TSPAN15: variants seen among roughly 807,000 people sequenced by gnomAD.
The protein encoded by TSPAN15 is tetraspanin-15.
A neutral mutation model predicts 34.5 loss-of-function variants in TSPAN15; 20 were observed. That is an observed-to-expected ratio of 0.58 (90% CI 0.41 to 0.84). The LOEUF (loss-of-function observed/expected upper bound fraction) is 0.84. Ranked by LOEUF, TSPAN15 falls within the 40% of genes least tolerant of loss-of-function variation. TSPAN15 has a pLI of 0.00. For missense variants in TSPAN15, 313 were observed against 386.1 expected, an observed-to-expected ratio of 0.81 and a Z score of 1.59; for synonymous variants, 155 against 153.9, an observed-to-expected ratio of 1.01 and a Z score of -0.05.
the TSPAN15 span, among the ~76,000 whole-genome samples, chr10:69,542,129 TTC>T: frequency 6.6e-6 from 1 of 152,092 alleles, no homozygotes; most frequent in Admixed American, 6.5e-5. Flanking sequence ...ATACCCTAAA[TTC>T]TCTCTCTCAT....
At chr10:69,507,796 A>C (rs1442406856), downstream of TSPAN15, 2 of 553,444 alleles carry the variant, frequency 3.6e-6, no homozygotes, top group African/African-American at 2.1e-5. Flanking sequence ...ATAGCTTGGG[A>C]TACAGGTGGG....
chr10:69,493,660 G>A (rs1038409284), intron 3 of TSPAN15, among the ~76,000 whole-genome samples: 1 of 152,164 alleles, frequency 6.6e-6, no homozygotes, highest in African/African-American at 2.4e-5. Flanking sequence ...TTTTAGTAGA[G>A]ACGGGGTTTC....
Position 69,451,472 on chromosome 10 carries a change from C to T in TSPAN15, c.-123C>T, listed in dbSNP as rs1003469293. ...TGATTGCCGCGCTCCAGTGTCAGTC[C>T]CGGAGAGAACGCCGGTGGCGGGGCT... On this transcript the variant is annotated 5_prime_UTR_variant, in exon 1 of 8. Transcript: ENST00000373290. 1 of 1,301,058 alleles carries T rather than the reference C, an allele frequency of 7.7e-7. No homozygotes were observed. Among genetic ancestry groups the T allele is most frequent in the Non-Finnish European group, 9.8e-7 (1 of 1,025,148 alleles). 80.6% of individuals were successfully genotyped at this position (1,301,058 alleles called of 1,614,324 possible). A position where few individuals can be genotyped will look rare whatever the true frequency, so the allele number is the denominator to read the frequency against.
rs1350353483 is a variant in TSPAN15, at chr10:69,500,309, G to T, written c.570+1913G>T. Among the ~76,000 whole-genome samples, 3 of 152,274 alleles carry T rather than the reference G, an allele frequency of 2.0e-5. No individual in the cohort carries two copies. In the East Asian group the frequency reaches 5.8e-4, roughly 29 times the overall value. On this transcript the variant is annotated intron_variant, in intron 5 of 7. Transcript: ENST00000373290. ...TCCCCTACTGGGGTGAGGGGGCCAG[G>T]CCTTCACACTCCCACCCACATTGAC... is the stretch of plus-strand genomic sequence containing the variant.
the TSPAN15 span, among the ~76,000 whole-genome samples, chr10:69,521,377 G>A: frequency 2.7e-5 from 4 of 147,064 alleles, 1 homozygote; most frequent in African/African-American, 9.9e-5. Context: ...AGGTGTGGTG[G>A]TGCACACCTG....
the TSPAN15 span, among the ~76,000 whole-genome samples, chr10:69,540,872 C>T: frequency 6.6e-6 from 1 of 152,002 alleles, no homozygotes; most frequent in Non-Finnish European, 1.5e-5. Context: ...GGGGATGTGT[C>T]CTGCGTTCAG....
the TSPAN15 span, among the ~76,000 whole-genome samples, chr10:69,532,847 A>G: frequency 4.3e-4 from 65 of 152,282 alleles, 1 homozygote; most frequent in East Asian, 0.012. Context: ...AAAGCAAACA[A>G]TCCCATCAAA....
intron 3 of TSPAN15, chr10:69,494,867 G>C (rs1176138262): frequency 1.0e-6 from 1 of 985,428 alleles, no homozygotes; most frequent in Admixed American, 6.1e-5. Context: ...TTCCCACTGT[G>C]GGGCCCTTTG....
At chr10:69,495,512 C>T in intron 3 of TSPAN15, 82 bp from the exon 4 acceptor site, 1 of 1,014,106 alleles carries the variant, frequency 9.9e-7, no homozygotes. Flanking sequence ...GCATTCTCTA[C>T]CCATCCAGGC....
rs1554830582 is a variant in TSPAN15 at position 69,455,628 on chromosome 10, C to CCT, written c.96+3939_96+3940insTC. Among the ~76,000 whole-genome samples, 2 of 114,500 alleles carry CCT rather than the reference C, an allele frequency of 1.7e-5. 1 individual carries two copies. The allele number at this position is 114,500 out of a possible 152,430, so 75.1% of individuals were successfully genotyped here. On this transcript the variant is annotated intron_variant, in intron 1 of 7. Coordinates refer to ENST00000373290, the MANE Select transcript of TSPAN15 (RefSeq NM_012339.5). ...TCTTTCTCTCTCTCTCTCTCTCTCC[C>CCT]CCCCCCGTCTCTTTCTTTCTTCCTT...
intron 1 of TSPAN15, among the ~76,000 whole-genome samples, chr10:69,469,016 G>T (rs1366873325): frequency 3.3e-5 from 3 of 91,772 alleles, no homozygotes; most frequent in Non-Finnish European, 7.2e-5. Flanking sequence ...TTAGGATGGG[G>T]CGAATCACCA....
chr10:69,545,449 A>G, the TSPAN15 span, among the ~76,000 whole-genome samples: 1 of 152,196 alleles, frequency 6.6e-6, no homozygotes, highest in Non-Finnish European at 1.5e-5. Context: ...CTCACCGGTC[A>G]AGTCAGATGC....
chr10:69,498,916 A>G (rs1342555775), intron 5 of TSPAN15, among the ~76,000 whole-genome samples: 1 of 152,150 alleles, frequency 6.6e-6, no homozygotes, highest in Non-Finnish European at 1.5e-5. Context: ...GCTCTGCAGC[A>G]TTAGTGGAGG....
chr10:69,464,545 G>A (rs1216967476), intron 1 of TSPAN15, among the ~76,000 whole-genome samples: 1 of 152,234 alleles, frequency 6.6e-6, no homozygotes, highest in Non-Finnish European at 1.5e-5. Flanking sequence ...GTGGATGCGA[G>A]CTAGCTCTCA....
chr10:69,462,436 G>C (rs1369574076), intron 1 of TSPAN15, among the ~76,000 whole-genome samples: 2 of 152,074 alleles, frequency 1.3e-5, no homozygotes, highest in Admixed American at 1.3e-4. Flanking sequence ...CCAGGTTTAT[G>C]CCATTCTCCT....
At chr10:69,502,913 G>GT (rs1842240338) in intron 5 of TSPAN15, among the ~76,000 whole-genome samples, 1 of 152,230 alleles carries the variant, frequency 6.6e-6, no homozygotes, top group African/African-American at 2.4e-5. Flanking sequence ...TTTCTACAGT[G>GT]TAAGTTCCAT....
At chr10:69,497,284 T>C (rs1171488981) in intron 4 of TSPAN15, among the ~76,000 whole-genome samples, 2 of 152,168 alleles carry the variant, frequency 1.3e-5, no homozygotes, top group South Asian at 2.1e-4. Flanking sequence ...GCAGCCCTGG[T>C]TGAGCCCTCC....
intron 5 of TSPAN15, among the ~76,000 whole-genome samples, chr10:69,502,380 CCCTT>C (rs1842228884): frequency 1.3e-5 from 2 of 152,298 alleles, no homozygotes; most frequent in South Asian, 4.1e-4. Context: ...TACCTCCCCT[CCCTT>C]GTTGTTGGCT....
At chr10:69,521,854 A>G in the TSPAN15 span, among the ~76,000 whole-genome samples, 85 of 147,310 alleles carry the variant, frequency 5.8e-4, 3 homozygotes, top group African/African-American at 1.7e-3. Context: ...TGGCCTCCAT[A>G]ATGACATTAA....
Sources: gnomAD v4.1 joint callset for allele counts (sites outside exome capture counted in the v4.1 genomes callset) on GRCh38, gnomAD v4.1.1 for gene constraint, MANE v1.5 for transcripts, NCBI Gene and HGNC (gene_info 2026-07-23, HGNC 2026-07-21) for gene names.